Variants in RYR2 observed in about 807,000 individuals in gnomAD.
RYR2 encodes the protein ryanodine receptor 2.
Under a neutral mutation model 601.1 loss-of-function variants are expected in RYR2, and 227 were observed. That is an observed-to-expected ratio of 0.38 (90% CI 0.34 to 0.42). RYR2 has a LOEUF of 0.42. Ranked by LOEUF, RYR2 falls within the 10% of genes least tolerant of loss-of-function variation. RYR2 has a pLI of 1.00. For missense variants in RYR2, 4,646 were observed against 6,156.5 expected, an observed-to-expected ratio of 0.75 and a Z score of 8.21; for synonymous variants, 2,223 against 2,175.1, an observed-to-expected ratio of 1.02 and a Z score of -0.61.
chr1:237,721,974 AT>A (rs1319354607), intron 73 of RYR2, among the ~76,000 whole-genome samples: 1 of 152,202 alleles, frequency 6.6e-6, no homozygotes, highest in Admixed American at 6.5e-5. Context: ...CACCAAGGAA[AT>A]TTGATGCTAT....
At chr1:237,755,183 C>A in intron 80 of RYR2, 2 of 1,004,712 alleles carry the variant, frequency 2.0e-6, no homozygotes, top group Non-Finnish European at 2.6e-6. Flanking sequence ...TTTGTTTGAG[C>A]CCATTTCTTT....
chr1:237,733,475 G>A (rs1690869834), intron 78 of RYR2, among the ~76,000 whole-genome samples: 1 of 152,128 alleles, frequency 6.6e-6, no homozygotes, highest in Non-Finnish European at 1.5e-5. Context: ...AAAATTGAAG[G>A]CCCTTCTGTA....
At chr1:237,723,029 C>A in intron 73 of RYR2, 99 bp from the exon 74 acceptor site, 2 of 1,031,750 alleles carry the variant, frequency 1.9e-6, no homozygotes, top group Non-Finnish European at 1.4e-6. Flanking sequence ...CACTGTAAAG[C>A]CCAATAAATA....
Position 237,773,639 on chromosome 1 carries a change from G to A in RYR2, c.11766G>A (p.Glu3922=), listed in dbSNP as rs774625105. 8.6e-5 allele frequency: 139 copies of A among 1,611,024 alleles called. 1 individual carries two copies. The highest frequency in any genetic ancestry group is 1.2e-4 in the Non-Finnish European group (139 of 1,178,136). ...VAKQVFNTLT[E]YIQGPCTGNQ... ...AACAAGTCTTTAACACTCTTACAGA[G>A]TATATTCAGGTAAACATTTAAACAT... The change falls in exon 87 of 105, where the codon GAG becomes GAA. Residue 3922 remains glutamate, a synonymous_variant. Transcript: ENST00000366574.
At position 237,672,108 on chromosome 1, in the gene RYR2, A is replaced by G. The variant is rs552325806; in HGVS notation, c.8591-1988A>G. Among the ~76,000 whole-genome samples, 6 of 152,254 alleles carry G rather than the reference A, an allele frequency of 3.9e-5. No homozygotes were observed. The East Asian group carries it at 9.7e-4, about 25-fold the overall frequency. On this transcript the variant is annotated intron_variant, in intron 58 of 104. Coordinates refer to ENST00000366574, the MANE Select transcript of RYR2 (RefSeq NM_001035.3). ...GGGTGGAGGAGCAACGTAAATGTCC[A>G]CGGTCACACTGCTAGTTAGAGGCAC...
At chr1:237,617,808 G>T (rs908112212) in intron 38 of RYR2, among the ~76,000 whole-genome samples, 5 of 152,078 alleles carry the variant, frequency 3.3e-5, no homozygotes, top group Non-Finnish European at 7.4e-5. Context: ...AGGAATTTTT[G>T]ATTCCTAGGA....
At chr1:237,565,182 T>C (rs943851596) in intron 27 of RYR2, among the ~76,000 whole-genome samples, 2 of 56,302 alleles carry the variant, frequency 3.6e-5, no homozygotes, top group African/African-American at 5.6e-5. Context: ...TTTCTTTCTT[T>C]CTTTCTTTCT....
intron 1 of RYR2, among the ~76,000 whole-genome samples, chr1:237,137,297 T>A (rs781621795): frequency 2.6e-5 from 4 of 152,150 alleles, no homozygotes; most frequent in Non-Finnish European, 5.9e-5. Context: ...TCTGTCACCT[T>A]GTCATCATGC....
intron 19 of RYR2, 105 bp downstream of exon 19, chr1:237,493,192 A>G (rs1663607025): frequency 8.0e-7 from 1 of 1,252,220 alleles, no homozygotes; most frequent in African/African-American, 1.5e-5. Flanking sequence ...ATTAGACCAT[A>G]TAGTATTATT....
intron 1 of RYR2, among the ~76,000 whole-genome samples, chr1:237,107,538 G>GAAAAAAAAAAA (rs1218167557): frequency 4.3e-3 from 242 of 56,794 alleles, no homozygotes; most frequent in Non-Finnish European, 7.7e-3. Flanking sequence ...AAAAAAAAAG[G>GAAAAAAAAAAA]AAACATTGTA....
intron 25 of RYR2, among the ~76,000 whole-genome samples, chr1:237,544,154 CTA>C (rs1669568668): frequency 6.6e-6 from 1 of 152,012 alleles, no homozygotes; most frequent in Non-Finnish European, 1.5e-5. Flanking sequence ...GAGCTAATAA[CTA>C]TAAAAGTATT....
At chr1:237,716,691 G>A (rs1425393675) in intron 71 of RYR2, among the ~76,000 whole-genome samples, 1 of 151,732 alleles carries the variant, frequency 6.6e-6, no homozygotes, top group Non-Finnish European at 1.5e-5. Context: ...GAGGCTCTAG[G>A]AAGACAAGTT....
At chr1:237,750,196 C>T (rs549938497) in intron 80 of RYR2, among the ~76,000 whole-genome samples, 2 of 151,928 alleles carry the variant, frequency 1.3e-5, no homozygotes, top group Non-Finnish European at 2.9e-5. Flanking sequence ...TACATACATA[C>T]GTATCCCACC....
chr1:237,565,308 C>CTCT (rs1671951515), intron 27 of RYR2, among the ~76,000 whole-genome samples: 1 of 150,448 alleles, frequency 6.6e-6, no homozygotes, highest in South Asian at 2.1e-4. Flanking sequence ...CTCTATCACC[C>CTCT]AGGCTGGAAT....
intron 1 of RYR2, among the ~76,000 whole-genome samples, chr1:237,072,077 G>A (rs1664420070): frequency 6.6e-6 from 1 of 152,338 alleles, no homozygotes; most frequent in South Asian, 2.1e-4. Flanking sequence ...GCACATGGAT[G>A]CCCAGGTCTG....
In RYR2 at chr1:237,751,422, C is replaced by A. The variant is rs557727312; in HGVS notation, c.11146-4866C>A. 5.3e-5 allele frequency among the ~76,000 whole-genome samples: 8 copies of A among 152,232 alleles called. No homozygotes were observed. The South Asian group carries it at 1.0e-3, about 20-fold the overall frequency. ...CTCATTCTTTTCTTTCCTTGTTATA[C>A]CTTGTTAATTAAGCTTTCAGTGGTA... On this transcript the variant is annotated intron_variant, in intron 80 of 104. Coordinates refer to ENST00000366574, the MANE Select transcript of RYR2 (RefSeq NM_001035.3).
rs1039096540 is a variant in RYR2 at position 237,271,561 on chromosome 1, T to C, written c.168+945T>C. 5.3e-5 allele frequency among the ~76,000 whole-genome samples: 8 copies of C among 152,140 alleles called. 1 individual carries two copies. The highest frequency in any genetic ancestry group is 1.9e-4 in the African/African-American group (8 of 41,442). On this transcript the variant is annotated intron_variant, in intron 2 of 104. Transcript: ENST00000366574. ...TATTCACTTTGAGACAGACCTACCT[T>C]GTTATTATTAAAAATTCAGGGAGAA...
intron 1 of RYR2, among the ~76,000 whole-genome samples, chr1:237,098,982 T>C (rs1437340972): frequency 6.6e-6 from 1 of 152,078 alleles, no homozygotes; most frequent in Non-Finnish European, 1.5e-5. Flanking sequence ...TGTGCACAAG[T>C]ACAATGAGGA....
At chr1:237,509,198 T>C (rs1344530779) in intron 23 of RYR2, among the ~76,000 whole-genome samples, 1 of 152,186 alleles carries the variant, frequency 6.6e-6, no homozygotes, top group African/African-American at 2.4e-5. Flanking sequence ...GCTGCTGTTG[T>C]GTTAGCACCC....
Sources: gnomAD v4.1 joint callset for allele counts (sites outside exome capture counted in the v4.1 genomes callset) on GRCh38, gnomAD v4.1.1 for gene constraint, MANE v1.5 for transcripts, NCBI Gene and HGNC (gene_info 2026-07-23, HGNC 2026-07-21) for gene names.